Variants in TAFA5 observed in about 807,000 individuals in gnomAD.
TAFA5 encodes the protein TAFA chemokine like family member 5.
In TAFA5, 6 loss-of-function variants were observed where a neutral mutation model predicts 15.3. That is an observed-to-expected ratio of 0.39 (90% confidence interval 0.21 to 0.77). TAFA5 has a LOEUF of 0.77. Ranked by LOEUF, TAFA5 falls within the 30% of genes least tolerant of loss-of-function variation. The probability of loss-of-function intolerance (pLI) is 0.41; values close to 1 mark genes in which losing one functional copy is unlikely to be tolerated. For synonymous variants in TAFA5, 103 were observed against 80.7 expected, an observed-to-expected ratio of 1.28 and a Z score of -1.48; for missense variants, 161 against 193.1, an observed-to-expected ratio of 0.83 and a Z score of 0.98.
chr22:48,575,439 T>A (rs1267518855), intron 1 of TAFA5, among the ~76,000 whole-genome samples: 1 of 145,846 alleles, frequency 6.9e-6, no homozygotes, highest in Non-Finnish European at 1.5e-5. Context: ...CCCGGCCACC[T>A]GGGCCGGCAG....
intron 1 of TAFA5, among the ~76,000 whole-genome samples, chr22:48,643,829 G>C (rs1193991359): frequency 2.6e-5 from 4 of 152,228 alleles, no homozygotes; most frequent in African/African-American, 9.6e-5. Flanking sequence ...CTCTGCTGGG[G>C]CTGATGTCAG....
chr22:48,538,719 A>T (rs1399354208), intron 1 of TAFA5, among the ~76,000 whole-genome samples: 4 of 152,152 alleles, frequency 2.6e-5, no homozygotes, highest in South Asian at 4.1e-4. Flanking sequence ...ATCGCAGGAC[A>T]CCAAACTCAA....
chr22:48,638,404 CGACACTAAG>C (rs2147195577), intron 1 of TAFA5, among the ~76,000 whole-genome samples: 1 of 117,128 alleles, frequency 8.5e-6, no homozygotes, highest in Admixed American at 8.9e-5. Context: ...GGGGGGACCC[CGACACTAAG>C]CCCTGGGACA....
intron 1 of TAFA5, among the ~76,000 whole-genome samples, chr22:48,582,339 A>G (rs531866918): frequency 2.2e-4 from 33 of 150,652 alleles, no homozygotes; most frequent in African/African-American, 7.0e-4. Context: ...CACACACAAA[A>G]TACACCACAC....
intron 1 of TAFA5, among the ~76,000 whole-genome samples, chr22:48,512,499 T>G (rs1442411677): frequency 6.6e-6 from 1 of 151,952 alleles, no homozygotes; most frequent in African/African-American, 2.4e-5. Flanking sequence ...TCCCAGCTAC[T>G]CGGGAGGCTG....
chr22:48,660,194 G>A (rs1008730568), intron 2 of TAFA5, among the ~76,000 whole-genome samples: 1 of 152,184 alleles, frequency 6.6e-6, no homozygotes, highest in South Asian at 2.1e-4. Flanking sequence ...CTTCGGACAC[G>A]CTGTGCCCTC....
chr22:48,603,711 T>A (rs1195635576), intron 1 of TAFA5, among the ~76,000 whole-genome samples: 1 of 152,174 alleles, frequency 6.6e-6, no homozygotes, highest in Admixed American at 6.5e-5. Context: ...CTGGAGGTTT[T>A]ACATTCTGGA....
chr22:48,510,118 G>A (rs1011911837), intron 1 of TAFA5, among the ~76,000 whole-genome samples: 1 of 152,160 alleles, frequency 6.6e-6, no homozygotes, highest in Non-Finnish European at 1.5e-5. Context: ...AATGCTTCGG[G>A]ACATTGGTCT....
intron 1 of TAFA5, among the ~76,000 whole-genome samples, chr22:48,511,304 C>T (rs1921201111): frequency 1.3e-5 from 2 of 152,156 alleles, no homozygotes; most frequent in South Asian, 4.1e-4. Flanking sequence ...TCGGGCTGGC[C>T]TCTTTTGTCT....
At chr22:48,693,505 G>A (rs1305072799) in intron 2 of TAFA5, 1 of 1,530,548 alleles carries the variant, frequency 6.5e-7, no homozygotes, top group African/African-American at 1.4e-5. Flanking sequence ...TGAGGTCCCA[G>A]AGGAGACCAG....
At chr22:48,659,085 C>T (rs888341346) in intron 2 of TAFA5, among the ~76,000 whole-genome samples, 2 of 152,206 alleles carry the variant, frequency 1.3e-5, no homozygotes, top group East Asian at 1.9e-4. Flanking sequence ...CTGCTGAGGG[C>T]GCAGCGCCTT....
chr22:48,733,642 G>A (rs778437116), intron 3 of TAFA5, among the ~76,000 whole-genome samples: 6 of 152,182 alleles, frequency 3.9e-5, no homozygotes, highest in South Asian at 2.1e-4. Context: ...AAACTGGACC[G>A]AGTATGAGTA....
intron 2 of TAFA5, among the ~76,000 whole-genome samples, chr22:48,674,174 C>T (rs555055917): frequency 4.1e-4 from 62 of 152,270 alleles, no homozygotes; most frequent in African/African-American, 1.5e-3. Flanking sequence ...GATGTAGGTC[C>T]CGGTTTCATC....
At position 48,598,843 on chromosome 22, in the gene TAFA5, G is replaced by A. The variant is rs1250570911; in HGVS notation, c.113-47754G>A. 1.3e-5 allele frequency among the ~76,000 whole-genome samples: 2 copies of A among 152,140 alleles called. No homozygotes were observed. Among genetic ancestry groups the A allele is most frequent in the Non-Finnish European group, 2.9e-5 (2 of 68,032 alleles). On this transcript the variant is annotated intron_variant, in intron 1 of 3. Coordinates refer to ENST00000402357, the MANE Select transcript of TAFA5 (RefSeq NM_001082967.3). The surrounding 1 kb of genome is among the most constrained non-coding windows in gnomAD (Gnocchi z 4.0). ...TGGAACCAAGCGCCAGGTGGTACCT[G>A]TATTTCCGACTGACTGAATATAAGT...
chr22:48,742,911 C>G lies in TAFA5; in HGVS notation c.391-6928C>G, dbSNP rs1028419678. On this transcript the variant is annotated intron_variant, in intron 3 of 3. Coordinates refer to ENST00000402357, the MANE Select transcript of TAFA5 (RefSeq NM_001082967.3). This position sits in a 1 kb window ranked among gnomAD's most constrained non-coding sequence, Gnocchi z 6.2. Reference sequence around the variant, plus strand: ...CTCCATGCAGCCCACACGCGGGGCCCCCACAGTGCGGACATGTTGGGGCAA... The same window carrying G: ...CTCCATGCAGCCCACACGCGGGGCCGCCACAGTGCGGACATGTTGGGGCAA... Among the ~76,000 whole-genome samples the G allele has an allele frequency of 2.6e-5, 4 of 152,150 alleles. No homozygotes were observed. Among genetic ancestry groups the G allele is most frequent in the Admixed American group, 2.6e-4 (4 of 15,280 alleles).
chr22:48,647,904 G>A (rs1361682989), intron 2 of TAFA5, among the ~76,000 whole-genome samples: 1 of 152,198 alleles, frequency 6.6e-6, no homozygotes, highest in African/African-American at 2.4e-5. Flanking sequence ...ACTTCTTGGG[G>A]TGGAGAGAAA....
chr22:48,726,195 T>C (rs1449347727), intron 3 of TAFA5, among the ~76,000 whole-genome samples: 3 of 152,246 alleles, frequency 2.0e-5, no homozygotes, highest in African/African-American at 4.8e-5. Flanking sequence ...CTATTTGTTT[T>C]GTTGTTTTTG....
At chr22:48,706,729 G>A (rs2147250456) in intron 2 of TAFA5, among the ~76,000 whole-genome samples, 1 of 152,294 alleles carries the variant, frequency 6.6e-6, no homozygotes, top group East Asian at 1.9e-4. Context: ...CCTGTTTGTA[G>A]GTCCAATTTT....
chr22:48,513,204 C>T (rs1351538053), intron 1 of TAFA5, among the ~76,000 whole-genome samples: 4 of 152,216 alleles, frequency 2.6e-5, no homozygotes, highest in African/African-American at 9.6e-5. Context: ...ACAGGAAGTC[C>T]TCACTCCGCA....
Sources: gnomAD v4.1 joint callset for allele counts (sites outside exome capture counted in the v4.1 genomes callset) on GRCh38, gnomAD v4.1.1 for gene constraint, Gnocchi (gnomAD v3.1) non-coding constraint, MANE v1.5 for transcripts, NCBI Gene and HGNC (gene_info 2026-07-23, HGNC 2026-07-21) for gene names.